The following G6PC3 variants were observed in gnomAD, a reference collection of about 807,000 sequenced individuals.
G6PC3 encodes the protein glucose-6-phosphatase catalytic subunit 3.
In G6PC3, 30 loss-of-function variants were observed where a neutral mutation model predicts 38.6. The observed-to-expected ratio is 0.78, with a 90% CI of 0.58 to 1.05. The LOEUF (loss-of-function observed/expected upper bound fraction) is 1.05. Among genes scored for constraint, G6PC3 ranks in the 50% least tolerant of loss-of-function variants. G6PC3 has a pLI of 0.00. For synonymous variants in G6PC3, 192 were observed against 178.1 expected (o/e 1.08, Z -0.62); for missense variants, 377 against 443.1 (o/e 0.85, Z 1.34).
rs1189779172 is a variant in G6PC3, at chr17:44,076,047, CTT to C, written c.*5_*6del. On this transcript the variant is annotated 3_prime_UTR_variant, in exon 6 of 6. Transcript: ENST00000269097. ...ACCGCCCATCCACTCTTCCTGACTT[CTT>C]GTGTGCCTCCCTTTCCTTTCCCTCC... The C allele has an allele frequency of 2.5e-6, 4 of 1,612,274 alleles. No homozygotes were observed. The highest frequency in any genetic ancestry group is 2.7e-5 in the African/African-American group (2 of 74,944).
In G6PC3 at chr17:44,074,716, C is replaced by T. The variant is rs754369416; in HGVS notation, c.362C>T (p.Ala121Val). Reference sequence around the variant, plus strand: ...GGACACTGCATGATCACAGGAGCAGCCCTCTGGCCCATAATGACGGCCCTG... The same window carrying T: ...GGACACTGCATGATCACAGGAGCAGTCCTCTGGCCCATAATGACGGCCCTG... ...PSGHCMITGA[A>V]LWPIMTALSS... The change falls in exon 3 of 6, where the codon GCC becomes GTC. Residue 121 changes from alanine to valine, a missense_variant. Ala to Val is a moderately conservative substitution (Grantham distance 64). Transcript: ENST00000269097. The T allele has an allele frequency of 1.2e-6, 2 of 1,614,086 alleles. No homozygotes were observed. The highest frequency in any genetic ancestry group is 1.7e-6 in the Non-Finnish European group (2 of 1,180,018).
chr17:44,075,097 T>C lies in G6PC3; in HGVS notation c.535+10T>C, dbSNP rs750615163. The C allele has an allele frequency of 6.2e-7, 1 of 1,601,414 alleles. No homozygotes were observed. Among genetic ancestry groups the C allele is most frequent in the Admixed American group, 1.7e-5 (1 of 60,014 alleles). The stretch of plus-strand genomic sequence containing the variant: ...GCTGGCCTAATAACTGGTGAGCAAC[T>C]GGGGCAACGGGGTGGACTGAGAGGA... On this transcript the variant is annotated intron_variant, in intron 4 of 5. Coordinates refer to ENST00000269097, the MANE Select transcript of G6PC3 (RefSeq NM_138387.4).
Position 44,071,005 on chromosome 17 carries a change from G to A in G6PC3, c.40G>A (p.Ala14Thr), listed in dbSNP as rs201743467. 1 of 1,565,354 alleles carries A rather than the reference G, an allele frequency of 6.4e-7. No homozygotes were observed. The highest frequency in any genetic ancestry group is 8.7e-7 in the Non-Finnish European group (1 of 1,154,118). Residue 14 changes from alanine to threonine, a missense_variant, in exon 1 of 6, where the codon GCG becomes ACG. Physicochemically the swap from Ala to Thr is moderately conservative, Grantham distance 58. Transcript: ENST00000269097. Reference protein sequence around the residue: ...TLGAGIVIAEALQNQLAWLEN... With the variant: ...TLGAGIVIAETLQNQLAWLEN... ...GGGCGCGGGCATCGTGATAGCCGAG[G>A]CGCTACAGAACCAGCTAGCCTGGCT...
chr17:44,071,052 C>T lies in G6PC3; in HGVS notation c.87C>T (p.Ile29=), dbSNP rs1326588499. 1.2e-6 allele frequency: 2 copies of T among 1,606,474 alleles called. No individual in the cohort carries two copies. The highest frequency in any genetic ancestry group is 8.5e-7 in the Non-Finnish European group (1 of 1,176,398). Residue 29 remains isoleucine, a synonymous_variant, in exon 1 of 6, where the codon ATC becomes ATT. Coordinates refer to ENST00000269097, the MANE Select transcript of G6PC3 (RefSeq NM_138387.4). ...LAWLENVWLW[I]TFLGDPKILF... ...GGCTGGAGAACGTGTGGCTCTGGAT[C>T]ACCTTTCTGGGCGATCCCAAGATCC...
intron 1 of G6PC3, 31 bp downstream of exon 1, chr17:44,071,214 TC>T: frequency 6.2e-7 from 1 of 1,604,252 alleles, no homozygotes. Context: ...GGCATCCTGG[TC>T]CCCACCCCCG....
Position 44,074,185 on chromosome 17 carries a change from T to C in G6PC3, c.244T>C (p.Trp82Arg). The change falls in exon 2 of 6, where the codon TGG (tryptophan) becomes CGG (arginine). Residue 82 changes from tryptophan (W) to arginine (R), a missense_variant. Coordinates refer to ENST00000269097, the MANE Select transcript of G6PC3 (RefSeq NM_138387.4). ...KWFLFGDRPF[W>R]WVHESGYYSQ... ...GTTTCTTTTTGGAGACAGGCCCTTTTGGTGGGTCCATGAGTCTGGTTACTA... is the reference window on the plus strand; with the variant it reads ...GTTTCTTTTTGGAGACAGGCCCTTTCGGTGGGTCCATGAGTCTGGTTACTA... 6.2e-7 allele frequency: 1 copy of C among 1,613,956 alleles called. No individual in the cohort carries two copies. The highest frequency in any genetic ancestry group is 8.5e-7 in the Non-Finnish European group (1 of 1,179,882).
chr17:44,071,297 G>A, intron 1 of G6PC3, 114 bp downstream of exon 1: 1 of 1,508,104 alleles, frequency 6.6e-7, no homozygotes, highest in South Asian at 1.2e-5. Flanking sequence ...CCCCTACTCT[G>A]TAGTCCCTGA....
Position 44,070,844 on chromosome 17 carries a change from G to C in G6PC3, c.-122G>C. 8.7e-7 allele frequency: 1 copy of C among 1,146,256 alleles called. No homozygotes were observed. The highest frequency in any genetic ancestry group is 1.3e-6 in the Non-Finnish European group (1 of 794,322). The allele number at this position is 1,146,256 out of a possible 1,614,324, so 71.0% of individuals were successfully genotyped here. On this transcript the variant is annotated 5_prime_UTR_variant, in exon 1 of 6. Coordinates refer to ENST00000269097, the MANE Select transcript of G6PC3 (RefSeq NM_138387.4). ...GCGGGGCTTGGTGGTGACCGCTGGC[G>C]GGGCGGGGCCTGGGGCTCAGAGGGG...
In G6PC3 at chr17:44,076,281, C is replaced by G; in HGVS notation, c.*238C>G. On this transcript the variant is annotated 3_prime_UTR_variant, in exon 6 of 6. Coordinates refer to ENST00000269097, the MANE Select transcript of G6PC3 (RefSeq NM_138387.4). ...AGAGCAAAGGCAACAGCAAGACCAG[C>G]GGGTTCTTGCAACACTGTGAGGGGC... The G allele has an allele frequency of 1.4e-6, 1 of 697,630 alleles. No homozygotes were observed. The highest frequency in any genetic ancestry group is 2.6e-6 in the Non-Finnish European group (1 of 384,128). 43.2% of individuals were successfully genotyped at this position (697,630 alleles called of 1,614,324 possible).
At chr17:44,071,988 C>T (rs1011423809) in intron 1 of G6PC3, 1 of 268,326 alleles carries the variant, frequency 3.7e-6, no homozygotes, top group Non-Finnish European at 7.6e-6. Flanking sequence ...TGCAGCCACA[C>T]CTCCCTTCAC....
At chr17:44,072,265 C>G (rs2049993768) in intron 1 of G6PC3, 1 of 152,662 alleles carries the variant, frequency 6.6e-6, no homozygotes, top group Non-Finnish European at 1.5e-5. Flanking sequence ...AGATCACAAT[C>G]TCCTTCAGAC....
At chr17:44,075,203 T>G in intron 4 of G6PC3, 107 bp from the exon 5 acceptor site, 3 of 1,528,338 alleles carry the variant, frequency 2.0e-6, no homozygotes, top group African/African-American at 1.4e-5. Context: ...AGGCCCCCCG[T>G]TATGTCTCAG....
rs568724406 is a variant in G6PC3 at position 44,071,999 on chromosome 17, C to T, written c.218+816C>T. The T allele has an allele frequency of 7.1e-4, 184 of 258,096 alleles. 1 individual carries two copies. Among genetic ancestry groups the T allele is most frequent in the African/African-American group, 3.8e-3 (171 of 44,516 alleles). 16.0% of individuals were successfully genotyped at this position (258,096 alleles called of 1,614,324 possible). A position where few individuals can be genotyped will look rare whatever the true frequency, so the allele number is the denominator to read the frequency against. Reference sequence around the variant, plus strand: ...GGCATGCAGCCACACCTCCCTTCACCTCAGCCTCTGTTGCCAGATCCTCAG... The same window carrying T: ...GGCATGCAGCCACACCTCCCTTCACTTCAGCCTCTGTTGCCAGATCCTCAG... On this transcript the variant is annotated intron_variant, in intron 1 of 5. Transcript: ENST00000269097.
intron 1 of G6PC3, chr17:44,072,049 TAGG>T (rs1192783736): frequency 8.1e-6 from 2 of 245,530 alleles, no homozygotes; most frequent in Non-Finnish European, 1.7e-5. Flanking sequence ...GGGAGGCTCA[TAGG>T]AGGTATTTCA....
At chr17:44,074,601 C>A in intron 2 of G6PC3, 79 bp from the exon 3 acceptor site, 1 of 1,157,140 alleles carries the variant, frequency 8.6e-7, no homozygotes. Flanking sequence ...GGAAAGGCAG[C>A]TGTATTATTG....
Position 44,076,031 on chromosome 17 carries a change from C to T in G6PC3, c.1029C>T (p.Ile343=), listed in dbSNP as rs1262135541. ...HMFSAQEAPP[I]HSS is the part of the protein sequence containing the mutation. ...TCAGTGCCCAGGAAGCACCGCCCAT[C>T]CACTCTTCCTGACTTCTTGTGTGCC... The change falls in exon 6 of 6, where the codon ATC becomes ATT. Residue 343 remains isoleucine (I), a synonymous_variant. Coordinates refer to ENST00000269097, the MANE Select transcript of G6PC3 (RefSeq NM_138387.4). 6.2e-7 allele frequency: 1 copy of T among 1,612,922 alleles called. No individual in the cohort carries two copies. Among genetic ancestry groups the T allele is most frequent in the Non-Finnish European group, 8.5e-7 (1 of 1,180,022 alleles).
In G6PC3 at chr17:44,076,227, T is replaced by A; in HGVS notation, c.*184T>A. On this transcript the variant is annotated 3_prime_UTR_variant, in exon 6 of 6. Transcript: ENST00000269097. ...TTCTCTCTCCCAGATAAGTTGGTCCTCCCTCTGCCTTTCCTCTCAAGCCCC... is the reference window on the plus strand; with the variant it reads ...TTCTCTCTCCCAGATAAGTTGGTCCACCCTCTGCCTTTCCTCTCAAGCCCC... The A allele has an allele frequency of 1.2e-6, 1 of 840,142 alleles. No homozygotes were observed. Among genetic ancestry groups the A allele is most frequent in the Non-Finnish European group, 2.0e-6 (1 of 496,974 alleles). The allele number at this position is 840,142 out of a possible 1,614,324, so 52.0% of individuals were successfully genotyped here. A position where few individuals can be genotyped will look rare whatever the true frequency, so the allele number is the denominator to read the frequency against.
At chr17:44,071,427 G>A (rs1213550511) in intron 1 of G6PC3, 10 of 673,030 alleles carry the variant, frequency 1.5e-5, no homozygotes, top group Non-Finnish European at 2.4e-5. Flanking sequence ...TAAGGGGCGT[G>A]TCTAAAATGT....
At chr17:44,071,956 C>T (rs780828686) in intron 1 of G6PC3, 1 of 301,380 alleles carries the variant, frequency 3.3e-6, no homozygotes, top group African/African-American at 2.2e-5. Flanking sequence ...GGTGGAGGCC[C>T]TGTGGCCCCT....
Sources: gnomAD v4.1 joint callset for allele counts on GRCh38, gnomAD v4.1.1 for gene constraint, MANE v1.5 for transcripts, NCBI Gene and HGNC (gene_info 2026-07-23, HGNC 2026-07-21) for gene names.